The following NELL1 variants were observed in gnomAD, a reference collection of about 807,000 sequenced individuals.
NELL1 encodes the protein neural EGFL like 1, also known as protein kinase C-binding protein NELL1.
A neutral mutation model predicts 107.4 loss-of-function variants in NELL1; 76 were observed. That is an observed-to-expected ratio of 0.71 (90% confidence interval 0.59 to 0.86). NELL1 has a LOEUF of 0.86. NELL1 is among the 40% of genes least tolerant of loss of function. The probability of loss-of-function intolerance (pLI) is 0.00; values close to 1 mark genes in which losing one functional copy is unlikely to be tolerated. For missense variants in NELL1, 1,024 were observed against 1,005.5 expected (o/e 1.02, Z -0.25); for synonymous variants, 353 against 341.2 (o/e 1.03, Z -0.38).
At chr11:21,408,467 T>A (rs1289688681) in intron 15 of NELL1, among the ~76,000 whole-genome samples, 1 of 152,070 alleles carries the variant, frequency 6.6e-6, no homozygotes, top group Non-Finnish European at 1.5e-5. Context: ...TTTGCTATAG[T>A]TTTCCTAGAA....
chr11:20,686,019 A>G (rs1471073726), intron 2 of NELL1, among the ~76,000 whole-genome samples: 1 of 152,112 alleles, frequency 6.6e-6, no homozygotes, highest in Non-Finnish European at 1.5e-5. Flanking sequence ...AATGGGACGA[A>G]TAAAAAGACT....
At chr11:21,098,121 T>A (rs1480259127) in intron 12 of NELL1, among the ~76,000 whole-genome samples, 2 of 152,186 alleles carry the variant, frequency 1.3e-5, no homozygotes, top group Non-Finnish European at 2.9e-5. Context: ...TAAGTTCTGG[T>A]TCCTAACACC....
At chr11:21,086,062 T>C (rs1384982722) in intron 12 of NELL1, among the ~76,000 whole-genome samples, 1 of 152,174 alleles carries the variant, frequency 6.6e-6, no homozygotes, top group African/African-American at 2.4e-5. Context: ...TAACTGCCTA[T>C]TGGATGAATA....
At chr11:21,364,410 C>CAAAAAAAAAAAAAAA (rs71034511) in intron 14 of NELL1, among the ~76,000 whole-genome samples, 2 of 75,616 alleles carry the variant, frequency 2.6e-5, no homozygotes, top group African/African-American at 1.5e-4. Flanking sequence ...GACTCTGTCT[C>CAAAAAAAAAAAAAAA]AAAAAAAAAA....
chr11:20,893,973 G>A (rs890101118), intron 5 of NELL1, among the ~76,000 whole-genome samples: 1 of 151,890 alleles, frequency 6.6e-6, no homozygotes, highest in Non-Finnish European at 1.5e-5. Context: ...TTTTAAAGAT[G>A]TATGTACTGA....
intron 14 of NELL1, among the ~76,000 whole-genome samples, chr11:21,232,114 A>G (rs1227466941): frequency 1.3e-5 from 2 of 148,212 alleles, no homozygotes; most frequent in Admixed American, 6.8e-5. Flanking sequence ...AGCCTGGCCA[A>G]CATGACAAAA....
intron 12 of NELL1, among the ~76,000 whole-genome samples, chr11:21,071,810 G>A (rs1289941040): frequency 8.5e-5 from 13 of 152,148 alleles, no homozygotes; most frequent in Admixed American, 8.5e-4. Context: ...CTGAATAGGT[G>A]TCTTAATGAG....
At chr11:20,976,464 AG>A (rs1851638006) in intron 12 of NELL1, among the ~76,000 whole-genome samples, 1 of 152,146 alleles carries the variant, frequency 6.6e-6, no homozygotes, top group South Asian at 2.1e-4. Flanking sequence ...GAAAATTCAA[AG>A]GGGTAACTTA....
At chr11:21,125,975 A>G (rs1371583210) in intron 13 of NELL1, among the ~76,000 whole-genome samples, 2 of 152,212 alleles carry the variant, frequency 1.3e-5, no homozygotes, top group Non-Finnish European at 2.9e-5. Context: ...AGTGAATGAG[A>G]GAATATTTGT....
intron 14 of NELL1, among the ~76,000 whole-genome samples, chr11:21,292,322 T>C (rs933392482): frequency 1.1e-4 from 17 of 152,144 alleles, no homozygotes; most frequent in African/African-American, 4.1e-4. Flanking sequence ...TCAACTCCTA[T>C]TCACAATTGC....
At chr11:21,376,632 G>T (rs1334603325) in intron 15 of NELL1, among the ~76,000 whole-genome samples, 2 of 151,978 alleles carry the variant, frequency 1.3e-5, no homozygotes, top group Non-Finnish European at 2.9e-5. Context: ...TTTGTAGGTT[G>T]CTTTGGGCAG....
At chr11:21,167,562 C>A (rs994875489) in intron 13 of NELL1, among the ~76,000 whole-genome samples, 1 of 151,850 alleles carries the variant, frequency 6.6e-6, no homozygotes, top group Non-Finnish European at 1.5e-5. Flanking sequence ...CTTAATCCTC[C>A]TAATCATGAG....
At chr11:21,496,978 A>G in intron 15 of NELL1, among the ~76,000 whole-genome samples, 1 of 151,944 alleles carries the variant, frequency 6.6e-6, no homozygotes. Flanking sequence ...ATGGCTGCAT[A>G]GTATTCCATG....
chr11:21,116,510 A>C (rs1855239663), intron 13 of NELL1, among the ~76,000 whole-genome samples: 1 of 152,010 alleles, frequency 6.6e-6, no homozygotes, highest in Non-Finnish European at 1.5e-5. Context: ...ATAGATGCTT[A>C]GTAGGAATTT....
intron 5 of NELL1, among the ~76,000 whole-genome samples, chr11:20,898,952 T>C: frequency 6.6e-6 from 1 of 152,214 alleles, no homozygotes; most frequent in South Asian, 2.1e-4. Flanking sequence ...TTTGTGTAAC[T>C]ATCTGTATAT....
chr11:21,105,771 C>T (rs1175985597), intron 12 of NELL1, among the ~76,000 whole-genome samples: 1 of 140,520 alleles, frequency 7.1e-6, no homozygotes, highest in African/African-American at 2.7e-5. Context: ...ATATCATTAC[C>T]TCTCCCCTCC....
At chr11:20,702,691 C>A (rs895410865) in intron 2 of NELL1, among the ~76,000 whole-genome samples, 7 of 152,052 alleles carry the variant, frequency 4.6e-5, no homozygotes, top group Non-Finnish European at 8.8e-5. Context: ...CCCATCAATA[C>A]CTAATTTATT....
chr11:20,669,922 T>G lies in NELL1; in HGVS notation c.55+144T>G. 1 of 689,768 alleles carries G rather than the reference T, an allele frequency of 1.4e-6. No individual in the cohort carries two copies. Among genetic ancestry groups the G allele is most frequent in the Non-Finnish European group, 2.6e-6 (1 of 383,856 alleles). 42.7% of individuals were successfully genotyped at this position (689,768 alleles called of 1,614,324 possible). On this transcript the variant is annotated intron_variant, in intron 1 of 19. Coordinates refer to ENST00000357134, the MANE Select transcript of NELL1 (RefSeq NM_006157.5). This position sits in a 1 kb window ranked among gnomAD's most constrained non-coding sequence, Gnocchi z 4.4. ...ACCGGTTCCTGGGATCTCTTTGCCC[T>G]GCTCGGAGTGACAGGGTGAAAATAG...
At chr11:21,198,722 G>A (rs1857205168) in intron 13 of NELL1, among the ~76,000 whole-genome samples, 1 of 152,164 alleles carries the variant, frequency 6.6e-6, no homozygotes, top group Non-Finnish European at 1.5e-5. Context: ...CACTGTGTGA[G>A]ATCTGGTGTT....
Sources: allele counts gnomAD v4.1 joint callset (sites outside exome capture counted in the v4.1 genomes callset), GRCh38; gene constraint gnomAD v4.1.1; non-coding constraint Gnocchi (gnomAD v3.1); transcripts MANE v1.5; gene names NCBI Gene and HGNC (gene_info 2026-07-23, HGNC 2026-07-21).